Variants in PRKG1 observed in about 807,000 individuals in gnomAD.
The protein encoded by PRKG1 is protein kinase cGMP-dependent 1, also known as cGMP-dependent protein kinase 1.
A neutral mutation model predicts 88.1 loss-of-function variants in PRKG1; 35 were observed. The ratio of observed to expected loss-of-function variants is 0.40; its 90% confidence interval spans 0.30 to 0.53. PRKG1 has a LOEUF of 0.53. PRKG1 is among the 20% of genes least tolerant of loss of function. PRKG1 has a pLI of 0.59. For missense variants in PRKG1, 540 were observed against 839.8 expected (o/e 0.64, Z 4.41); for synonymous variants, 303 against 292.5 (o/e 1.04, Z -0.37).
At chr10:51,608,347 G>C (rs946726965) in intron 3 of PRKG1, among the ~76,000 whole-genome samples, 2 of 152,166 alleles carry the variant, frequency 1.3e-5, no homozygotes, top group African/African-American at 4.8e-5. Flanking sequence ...AGTTTTTATG[G>C]GTTTTGGAGT....
chr10:51,757,666 T>C (rs1830010572), intron 3 of PRKG1, among the ~76,000 whole-genome samples: 1 of 152,168 alleles, frequency 6.6e-6, no homozygotes, highest in Admixed American at 6.5e-5. Context: ...GTGTTATAAG[T>C]ATAAAATGCA....
intron 5 of PRKG1, among the ~76,000 whole-genome samples, chr10:52,026,835 C>T (rs542382358): frequency 1.3e-5 from 2 of 151,980 alleles, no homozygotes; most frequent in African/African-American, 4.8e-5. Context: ...ATTAGCTGGG[C>T]GTGGTGGTGA....
At chr10:52,173,479 A>G (rs1838767742) in intron 9 of PRKG1, among the ~76,000 whole-genome samples, 1 of 152,192 alleles carries the variant, frequency 6.6e-6, no homozygotes, top group Non-Finnish European at 1.5e-5. Flanking sequence ...TGATTTGTAA[A>G]TAATGGATTT....
At chr10:51,718,111 A>G (rs1841928870) in intron 3 of PRKG1, among the ~76,000 whole-genome samples, 1 of 152,178 alleles carries the variant, frequency 6.6e-6, no homozygotes, top group Non-Finnish European at 1.5e-5. Context: ...TTTACATTCA[A>G]GTGGTGCTGG....
At chr10:52,049,995 T>G (rs1294145356) in intron 5 of PRKG1, among the ~76,000 whole-genome samples, 1 of 152,092 alleles carries the variant, frequency 6.6e-6, no homozygotes, top group African/African-American at 2.4e-5. Flanking sequence ...GTATTGTAAG[T>G]TCATACAATG....
intron 1 of PRKG1, among the ~76,000 whole-genome samples, chr10:51,139,787 C>T (rs1428567753): frequency 6.6e-6 from 1 of 152,132 alleles, no homozygotes; most frequent in Non-Finnish European, 1.5e-5. Flanking sequence ...CTGAGTTTTC[C>T]TTCTCCTCTC....
chr10:51,667,311 T>A (rs1333295924), intron 3 of PRKG1, among the ~76,000 whole-genome samples: 2 of 152,204 alleles, frequency 1.3e-5, no homozygotes, highest in African/African-American at 4.8e-5. Context: ...TATTGTCTAG[T>A]ATATAGTTCC....
At chr10:52,143,990 T>A (rs148458409) in intron 8 of PRKG1, among the ~76,000 whole-genome samples, 75 of 152,298 alleles carry the variant, frequency 4.9e-4, no homozygotes, top group African/African-American at 1.8e-3. Context: ...GCATTTTGAG[T>A]AAGAATAAAA....
chr10:51,684,887 G>A (rs7908712), intron 3 of PRKG1, among the ~76,000 whole-genome samples: 9,452 of 151,866 alleles, frequency 0.062, 671 homozygotes, highest in African/African-American at 0.17. Context: ...TATATATTTA[G>A]TTTTATGGAT....
intron 5 of PRKG1, among the ~76,000 whole-genome samples, chr10:51,956,914 A>G (rs917248808): frequency 6.6e-6 from 1 of 151,738 alleles, no homozygotes; most frequent in Non-Finnish European, 1.5e-5. Flanking sequence ...AATTTCAGGG[A>G]GTCTTGAAAG....
intron 9 of PRKG1, among the ~76,000 whole-genome samples, chr10:52,210,445 A>T (rs1839938779): frequency 6.6e-6 from 1 of 152,122 alleles, no homozygotes; most frequent in South Asian, 2.1e-4. Flanking sequence ...CATTTAAAAA[A>T]TATTTTCCAC....
chr10:51,718,817 G>A (rs1380709028), intron 3 of PRKG1, among the ~76,000 whole-genome samples: 1 of 149,148 alleles, frequency 6.7e-6, no homozygotes, highest in Non-Finnish European at 1.5e-5. Flanking sequence ...GGGGAGTGGA[G>A]TAAGGATAGT....
At chr10:51,641,477 C>T (rs958838634) in intron 3 of PRKG1, among the ~76,000 whole-genome samples, 1 of 152,108 alleles carries the variant, frequency 6.6e-6, no homozygotes, top group African/African-American at 2.4e-5. Flanking sequence ...AATATTTCTG[C>T]TGGAGTCTGT....
intron 3 of PRKG1, among the ~76,000 whole-genome samples, chr10:51,504,265 A>G (rs2132047509): frequency 6.6e-6 from 1 of 152,266 alleles, no homozygotes. Context: ...AGGCTTGTCA[A>G]AGATCAGATG....
At chr10:51,122,929 C>G (rs945926260) in intron 1 of PRKG1, among the ~76,000 whole-genome samples, 2 of 152,174 alleles carry the variant, frequency 1.3e-5, no homozygotes, top group African/African-American at 4.8e-5. Context: ...CCTATCTATA[C>G]GTTTTATTGA....
At chr10:51,413,469 C>T (rs1029399823) in intron 2 of PRKG1, among the ~76,000 whole-genome samples, 45 of 152,048 alleles carry the variant, frequency 3.0e-4, no homozygotes, top group African/African-American at 1.1e-3. Context: ...AAGTCATTCT[C>T]CTGCCTCACC....
At chr10:51,197,827 A>T (rs1837809564) in intron 2 of PRKG1, among the ~76,000 whole-genome samples, 1 of 150,456 alleles carries the variant, frequency 6.6e-6, no homozygotes, top group African/African-American at 2.4e-5. Flanking sequence ...GTGCAAAAGT[A>T]ATTGTGGTTT....
At position 51,942,011 on chromosome 10, in the gene PRKG1, C is replaced by T. The variant is rs1031259519; in HGVS notation, c.762+34441C>T. ...CAAATGGTATTTCTAGTTCTGGATC[C>T]CTGAGGAATCGCCACACGGACTTCC... On this transcript the variant is annotated intron_variant, in intron 5 of 17. Transcript: ENST00000373980. Among the ~76,000 whole-genome samples the T allele has an allele frequency of 4.6e-5, 7 of 151,948 alleles. 1 individual carries two copies. Among genetic ancestry groups the T allele is most frequent in the African/African-American group, 1.7e-4 (7 of 41,256 alleles).
chr10:52,049,998 A>G (rs1845947797), intron 5 of PRKG1, among the ~76,000 whole-genome samples: 2 of 152,146 alleles, frequency 1.3e-5, no homozygotes, highest in African/African-American at 4.8e-5. Flanking sequence ...TTGTAAGTTC[A>G]TACAATGGAG....
Sources: gnomAD v4.1 joint callset for allele counts (sites outside exome capture counted in the v4.1 genomes callset) on GRCh38, gnomAD v4.1.1 for gene constraint, MANE v1.5 for transcripts, NCBI Gene and HGNC (gene_info 2026-07-23, HGNC 2026-07-21) for gene names.